The following HOXA3 variants were observed in gnomAD, a reference collection of about 807,000 sequenced individuals.
The protein encoded by HOXA3 is homeobox A3.
In HOXA3, 8 loss-of-function variants were observed where a neutral mutation model predicts 30.3. The observed-to-expected ratio is 0.26, with a 90% CI of 0.15 to 0.48. The LOEUF (loss-of-function observed/expected upper bound fraction) is 0.48. HOXA3 is among the 20% of genes least tolerant of loss of function. The pLI, the probability that HOXA3 is intolerant of heterozygous loss-of-function variation, is 0.99. For missense variants in HOXA3, 653 were observed against 614.4 expected (o/e 1.06, Z -0.66); for synonymous variants, 323 against 273.1 (o/e 1.18, Z -1.80).
intron 4 of HOXA3, among the ~76,000 whole-genome samples, chr7:27,118,968 G>T (rs1002706827): frequency 2.0e-5 from 3 of 152,196 alleles, no homozygotes; most frequent in Non-Finnish European, 4.4e-5. Context: ...AGCCCACTAG[G>T]AAAGATGTGC....
intron 2 of HOXA3, among the ~76,000 whole-genome samples, chr7:27,138,316 T>C (rs2128057866): frequency 6.6e-6 from 1 of 152,376 alleles, no homozygotes; most frequent in South Asian, 2.1e-4. Flanking sequence ...TTTTGCTTTC[T>C]GGACCTCTGA....
At chr7:27,127,518 T>A (rs1785335892) in intron 2 of HOXA3, among the ~76,000 whole-genome samples, 1 of 152,240 alleles carries the variant, frequency 6.6e-6, no homozygotes, top group Admixed American at 6.5e-5. Context: ...AGGTGAGCAC[T>A]TACTCCCATC....
chr7:27,147,988 C>A (rs181098649), intron 1 of HOXA3, among the ~76,000 whole-genome samples: 1 of 152,236 alleles, frequency 6.6e-6, no homozygotes, highest in African/African-American at 2.4e-5. Flanking sequence ...GCCCGCCGCC[C>A]GCCCGGCAGA....
intron 1 of HOXA3, chr7:27,151,503 G>A (rs1238208316): frequency 2.3e-5 from 10 of 440,668 alleles, no homozygotes; most frequent in Middle Eastern, 3.3e-4. Flanking sequence ...CGCGCTAACA[G>A]CATTATGTCC....
intron 4 of HOXA3, chr7:27,116,170 G>C (rs572567314): frequency 5.2e-5 from 8 of 152,646 alleles, no homozygotes; most frequent in Admixed American, 5.2e-4. Flanking sequence ...CCAAATCCCC[G>C]TGGCTCCCGA....
intron 2 of HOXA3, chr7:27,130,644 G>A: frequency 6.3e-7 from 1 of 1,596,184 alleles, no homozygotes; most frequent in East Asian, 2.3e-5. Flanking sequence ...CGTCTGCGCC[G>A]CCCGAGCCGC....
At chr7:27,119,231 A>T (rs141692456) in intron 4 of HOXA3, among the ~76,000 whole-genome samples, 35 of 145,870 alleles carry the variant, frequency 2.4e-4, no homozygotes, top group African/African-American at 8.8e-4. Flanking sequence ...GCAATCTGGG[A>T]CCCTCTCCAC....
Position 27,129,632 on chromosome 7 carries a change from G to C in HOXA3, c.-389-2562C>G, listed in dbSNP as rs145416440. The C allele has an allele frequency of 3.2e-6, 5 of 1,577,912 alleles. No homozygotes were observed. In the South Asian group the frequency reaches 4.4e-5, roughly 14 times the overall value. The stretch of plus-strand genomic sequence containing the variant: ...AGGAGGGAGCGGAAGAGAGGGAAAG[G>C]AGGAGGAGAGAGAAGGTGGGGTGGG... On this transcript the variant is annotated intron_variant, in intron 2 of 5. Transcript: ENST00000612286.
intron 4 of HOXA3, among the ~76,000 whole-genome samples, chr7:27,112,819 G>A (rs1784451228): frequency 6.6e-6 from 1 of 152,222 alleles, no homozygotes; most frequent in African/African-American, 2.4e-5. Context: ...TATTTCTAGT[G>A]ACTTGCTAAT....
Position 27,130,567 on chromosome 7 carries a change from T to C in HOXA3, c.-389-3497A>G, listed in dbSNP as rs1459235598. 35 of 1,443,288 alleles carry C rather than the reference T, an allele frequency of 2.4e-5. No individual in the cohort carries two copies. The highest frequency in any genetic ancestry group is 3.0e-5 in the Non-Finnish European group (33 of 1,096,918). The allele number at this position is 1,443,288 out of a possible 1,614,324, so 89.4% of individuals were successfully genotyped here. ...GCCCGCGTGAGGGAGCTGGGGCTGC[T>C]GCAGCGGCAGGTGCTGGGTCGGGGG... On this transcript the variant is annotated intron_variant, in intron 2 of 5. Coordinates refer to ENST00000612286, the MANE Select transcript of HOXA3 (RefSeq NM_153631.3).
At position 27,147,694 on chromosome 7, in the gene HOXA3, T is replaced by C. The variant is rs1382592578; in HGVS notation, c.-494+4594A>G. 2.5e-6 allele frequency: 4 copies of C among 1,613,060 alleles called. No individual in the cohort carries two copies. In the South Asian group the frequency reaches 3.3e-5, roughly 13 times the overall value. ...GAGGGGCAGCTGGCCCAAGAAGGAG[T>C]CCTGGCCGCTGGGAAGGCTCCCGGG... is the stretch of plus-strand genomic sequence containing the variant. On this transcript the variant is annotated intron_variant, in intron 1 of 5. Coordinates refer to ENST00000612286, the MANE Select transcript of HOXA3 (RefSeq NM_153631.3).
At chr7:27,125,348 T>A (rs948767558) in intron 3 of HOXA3, among the ~76,000 whole-genome samples, 2 of 152,178 alleles carry the variant, frequency 1.3e-5, no homozygotes, top group African/African-American at 4.8e-5. Context: ...TCTGGGAATC[T>A]CTTTCAGCCC....
At chr7:27,143,690 A>G in intron 1 of HOXA3, 1 of 1,499,586 alleles carries the variant, frequency 6.7e-7, no homozygotes. Context: ...ATGATGAATT[A>G]TGGAAATGAC....
In HOXA3 at chr7:27,117,345, A is replaced by C. The variant is rs146680128; in HGVS notation, c.-121+5214T>G. 1.7e-3 allele frequency among the ~76,000 whole-genome samples: 263 copies of C among 152,274 alleles called. 7 individuals carry two copies. The highest frequency in any genetic ancestry group is 0.014 in the Admixed American group (211 of 15,300). Reference sequence around the variant, plus strand: ...CACAAGGAATGCCCAGACCAGGCGCACTGATGAAGTCCAAACCTAATCCTG... The same window carrying C: ...CACAAGGAATGCCCAGACCAGGCGCCCTGATGAAGTCCAAACCTAATCCTG... On this transcript the variant is annotated intron_variant, in intron 4 of 5. Coordinates refer to ENST00000612286, the MANE Select transcript of HOXA3 (RefSeq NM_153631.3).
At chr7:27,138,388 G>C (rs900670958) in intron 2 of HOXA3, among the ~76,000 whole-genome samples, 2 of 152,200 alleles carry the variant, frequency 1.3e-5, no homozygotes, top group Non-Finnish European at 2.9e-5. Flanking sequence ...TAAGTTTATT[G>C]AAATTCCAAA....
chr7:27,110,786 G>GAGCCCTCACCGCGC, intron 4 of HOXA3, 26 bp from the exon 5 acceptor site: 1 of 1,239,012 alleles, frequency 8.1e-7, no homozygotes, highest in Non-Finnish European at 1.1e-6. Context: ...GCGCAGCGCG[G>GAGCCCTCACCGCGC]TGAGGGCTCC....
In HOXA3 at chr7:27,140,124, T is replaced by G. The variant is rs1448789578; in HGVS notation, c.-431A>C. ...CCATTTTTCAGAGAGTTTTGAGAAC[T>G]TGTGGTTTGGACACTTCTGGACCTA... is the stretch of plus-strand genomic sequence containing the variant. On this transcript the variant is annotated 5_prime_UTR_variant, in exon 2 of 6. Transcript: ENST00000612286. 2 of 152,150 alleles carry G rather than the reference T, an allele frequency of 1.3e-5. No homozygotes were observed. Among genetic ancestry groups the G allele is most frequent in the African/African-American group, 4.8e-5 (2 of 41,412 alleles). The allele number at this position is 152,150 out of a possible 1,614,324, so 9.4% of individuals were successfully genotyped here.
chr7:27,130,624 C>T, intron 2 of HOXA3: 1 of 1,567,274 alleles, frequency 6.4e-7, no homozygotes, highest in Non-Finnish European at 8.7e-7. Flanking sequence ...GGGGCCCCCG[C>T]CCGGGCCGCC....
chr7:27,124,720 G>T (rs1323254539), intron 3 of HOXA3: 2 of 152,178 alleles, frequency 1.3e-5, no homozygotes, highest in Non-Finnish European at 2.9e-5. Flanking sequence ...TGACCTCAAA[G>T]ATTACAATTT....
Sources: gnomAD v4.1 joint callset for allele counts (sites outside exome capture counted in the v4.1 genomes callset) on GRCh38, gnomAD v4.1.1 for gene constraint, MANE v1.5 for transcripts, NCBI Gene and HGNC (gene_info 2026-07-23, HGNC 2026-07-21) for gene names.